The following PPP6R3 variants were observed in gnomAD, a reference collection of about 807,000 sequenced individuals.
PPP6R3 encodes the protein protein phosphatase 6 regulatory subunit 3.
Under a neutral mutation model 110.7 loss-of-function variants are expected in PPP6R3, and 38 were observed. That is an observed-to-expected ratio of 0.34 (90% CI 0.26 to 0.45). The LOEUF is 0.45. PPP6R3 is among the 20% of genes least tolerant of loss of function. The pLI, the probability that PPP6R3 is intolerant of heterozygous loss-of-function variation, is 1.00. For missense variants in PPP6R3, 870 were observed against 1,062.4 expected (o/e 0.82, Z 2.52); for synonymous variants, 369 against 373.5 (o/e 0.99, Z 0.14).
At chr11:68,585,432 G>C (rs1288493597) in intron 15 of PPP6R3, among the ~76,000 whole-genome samples, 2 of 152,286 alleles carry the variant, frequency 1.3e-5, no homozygotes, top group South Asian at 2.1e-4. Context: ...AAAGTGGTTG[G>C]CTCACTTCTC....
At chr11:68,499,038 G>GTAGTGAGGTC (rs1236960187) in intron 1 of PPP6R3, among the ~76,000 whole-genome samples, 5 of 152,256 alleles carry the variant, frequency 3.3e-5, no homozygotes, top group African/African-American at 9.6e-5. Context: ...TTAATTTACA[G>GTAGTGAGGTC]TAGTGAGGTC....
chr11:68,473,257 A>G (rs746634154), intron 1 of PPP6R3, among the ~76,000 whole-genome samples: 3 of 152,150 alleles, frequency 2.0e-5, no homozygotes, highest in African/African-American at 4.8e-5. Flanking sequence ...GAATTGATCA[A>G]CTGCCAATGA....
chr11:68,569,927 A>G (rs757998648), intron 11 of PPP6R3, 30 bp downstream of exon 11: 18 of 1,578,488 alleles, frequency 1.1e-5, no homozygotes, highest in Non-Finnish European at 1.4e-5. Context: ...TTTTTCTCCC[A>G]CTCTCTCCTG....
At chr11:68,602,010 G>A (rs1036582070) in intron 21 of PPP6R3, 41 bp downstream of exon 21, 14 of 1,497,552 alleles carry the variant, frequency 9.3e-6, no homozygotes, top group Non-Finnish European at 1.3e-5. Context: ...GGGTCACGTG[G>A]CTGCTTTGTC....
At chr11:68,479,387 G>T (rs774220437) in intron 1 of PPP6R3, among the ~76,000 whole-genome samples, 1 of 152,152 alleles carries the variant, frequency 6.6e-6, no homozygotes, top group Non-Finnish European at 1.5e-5. Flanking sequence ...TTTACTTGTG[G>T]TATTAAAAAT....
intron 1 of PPP6R3, among the ~76,000 whole-genome samples, chr11:68,464,466 T>C (rs1034526632): frequency 6.6e-6 from 1 of 152,178 alleles, no homozygotes; most frequent in African/African-American, 2.4e-5. Flanking sequence ...CAGACAATAC[T>C]GAAATGCAGC....
chr11:68,478,651 T>TTTTTTTTTC (rs1233928026), intron 1 of PPP6R3, among the ~76,000 whole-genome samples: 1 of 106,508 alleles, frequency 9.4e-6, no homozygotes, highest in Non-Finnish European at 1.9e-5. Context: ...TGGTAAGTTT[T>TTTTTTTTTC]TTTTTTTTTT....
At chr11:68,577,428 A>T (rs548459718) in intron 14 of PPP6R3, among the ~76,000 whole-genome samples, 5 of 152,338 alleles carry the variant, frequency 3.3e-5, no homozygotes, top group African/African-American at 1.2e-4. Context: ...GTCTTGTCTT[A>T]TAAAGGAATA....
intron 14 of PPP6R3, among the ~76,000 whole-genome samples, chr11:68,581,610 A>G (rs2099554850): frequency 6.6e-6 from 1 of 152,214 alleles, no homozygotes; most frequent in Non-Finnish European, 1.5e-5. Context: ...ACTGCAGTAC[A>G]ACCACTTGAC....
intron 22 of PPP6R3, among the ~76,000 whole-genome samples, chr11:68,607,411 A>G (rs1281927776): frequency 3.3e-5 from 5 of 152,240 alleles, no homozygotes; most frequent in African/African-American, 9.6e-5. Context: ...TCCCTAATCT[A>G]CATTCTAAAA....
At chr11:68,502,249 A>G (rs1480040643) in intron 1 of PPP6R3, among the ~76,000 whole-genome samples, 1 of 152,212 alleles carries the variant, frequency 6.6e-6, no homozygotes, top group African/African-American at 2.4e-5. Context: ...CCAAAATATT[A>G]TTTCAACATA....
chr11:68,463,964 C>T (rs569114288), intron 1 of PPP6R3, among the ~76,000 whole-genome samples: 21 of 152,238 alleles, frequency 1.4e-4, no homozygotes, highest in African/African-American at 4.8e-4. Flanking sequence ...CCTCCCTGCC[C>T]GCCAGCAAAA....
At chr11:68,511,349 G>A (rs1349464082) in intron 1 of PPP6R3, among the ~76,000 whole-genome samples, 1 of 152,038 alleles carries the variant, frequency 6.6e-6, no homozygotes, top group East Asian at 1.9e-4. Flanking sequence ...ACAGGCATGA[G>A]CCACCGCGCC....
At chr11:68,482,690 T>C (rs1157329022) in intron 1 of PPP6R3, among the ~76,000 whole-genome samples, 1 of 152,120 alleles carries the variant, frequency 6.6e-6, no homozygotes, top group East Asian at 1.9e-4. Context: ...AAAATTAATA[T>C]GTGATATTTA....
chr11:68,611,291 C>G (rs1055367316), intron 23 of PPP6R3, among the ~76,000 whole-genome samples: 1 of 152,180 alleles, frequency 6.6e-6, no homozygotes, highest in African/African-American at 2.4e-5. Flanking sequence ...TAGGCAGGAT[C>G]GTCCAGGTCT....
chr11:68,489,323 CT>C (rs1336572509), intron 1 of PPP6R3, among the ~76,000 whole-genome samples: 1 of 151,956 alleles, frequency 6.6e-6, no homozygotes, highest in Non-Finnish European at 1.5e-5. Flanking sequence ...CTTTTTCTGC[CT>C]TTTTTGGTTT....
chr11:68,565,067 T>G (rs1424997325), intron 9 of PPP6R3, among the ~76,000 whole-genome samples: 1 of 152,124 alleles, frequency 6.6e-6, no homozygotes, highest in Non-Finnish European at 1.5e-5. Context: ...GTGAGTTCTG[T>G]TCCCAGCAAC....
chr11:68,603,630 T>C (rs1033658131), intron 22 of PPP6R3, 138 bp downstream of exon 22: 1 of 1,083,500 alleles, frequency 9.2e-7, no homozygotes, highest in Non-Finnish European at 1.3e-6. Context: ...TTGTCTCCAT[T>C]AAACACAATA....
intron 1 of PPP6R3, among the ~76,000 whole-genome samples, chr11:68,494,838 A>T (rs2099006400): frequency 6.6e-6 from 1 of 152,118 alleles, no homozygotes. Flanking sequence ...TGAGAACTGT[A>T]TTTACAGCAA....
Sources: allele counts gnomAD v4.1 joint callset (sites outside exome capture counted in the v4.1 genomes callset), GRCh38; gene constraint gnomAD v4.1.1; transcripts MANE v1.5; gene names NCBI Gene and HGNC (gene_info 2026-07-23, HGNC 2026-07-21).